The following BRSK2 variants were observed in gnomAD, a reference collection of about 807,000 sequenced individuals.
The protein encoded by BRSK2 is BR serine/threonine kinase 2, also known as serine/threonine-protein kinase BRSK2.
In BRSK2, 19 loss-of-function variants were observed where a neutral mutation model predicts 83.3. The ratio of observed to expected loss-of-function variants is 0.23; its 90% CI spans 0.16 to 0.33. BRSK2 has a LOEUF of 0.33. BRSK2 is among the 10% of genes least tolerant of loss of function. The probability of loss-of-function intolerance (pLI) is 1.00; values close to 1 mark genes in which losing one functional copy is unlikely to be tolerated. For missense variants in BRSK2, 798 were observed against 1,042.3 expected, an observed-to-expected ratio of 0.77 and a Z score of 3.23; for synonymous variants, 519 against 435.4, an observed-to-expected ratio of 1.19 and a Z score of -2.39.
At chr11:1,447,883 G>C in intron 12 of BRSK2, 1 of 1,586,358 alleles carries the variant, frequency 6.3e-7, no homozygotes, top group Non-Finnish European at 8.5e-7. Context: ...CCGACCACCC[G>C]TCCCCGCACC....
intron 12 of BRSK2, among the ~76,000 whole-genome samples, chr11:1,449,206 C>T (rs1845495747): frequency 2.6e-5 from 4 of 152,318 alleles, no homozygotes; most frequent in Non-Finnish European, 5.9e-5. Context: ...CTGAGTAGGG[C>T]AGTGGTGGGA....
At position 1,423,770 on chromosome 11, in the gene BRSK2, CCCG is replaced by C. The variant is rs1848881152; in HGVS notation, c.92-12268_92-12266del. ...GGCGTTCCGGGTGCCCCAGGCCTCC[CCCG>C]CTGGGCGTTCCGGGTGCCCCAGGCC... On this transcript the variant is annotated intron_variant, in intron 1 of 19. Transcript: ENST00000528841. The surrounding 1 kb of genome is among the most constrained non-coding windows in gnomAD (Gnocchi z 6.5). 6.8e-6 allele frequency among the ~76,000 whole-genome samples: 1 copy of C among 147,142 alleles called. No homozygotes were observed. Among genetic ancestry groups the C allele is most frequent in the Non-Finnish European group, 1.5e-5 (1 of 66,074 alleles).
chr11:1,393,971 T>C (rs866555065), intron 1 of BRSK2, among the ~76,000 whole-genome samples: 17 of 38,810 alleles, frequency 4.4e-4, no homozygotes, highest in Admixed American at 7.3e-4. Context: ...TGGAGATGGG[T>C]CCTGGAGATG....
At position 1,461,995 on chromosome 11, in the gene BRSK2, T is replaced by TG. The variant is rs1449529720; in HGVS notation, c.*1274dup. 2.0e-5 allele frequency: 3 copies of TG among 152,078 alleles called. No individual in the cohort carries two copies. Among genetic ancestry groups the TG allele is most frequent in the African/African-American group, 7.2e-5 (3 of 41,394 alleles). 9.4% of individuals were successfully genotyped at this position (152,078 alleles called of 1,614,324 possible). On this transcript the variant is annotated 3_prime_UTR_variant, in exon 20 of 20. Transcript: ENST00000528841. Reference sequence around the variant, plus strand: ...CCCCTCTGTCAGGCTGGGGCAATCTTGGTTTTGTGTCCAAAGGTGAAGGGG... The same window carrying TG: ...CCCCTCTGTCAGGCTGGGGCAATCTTGGGTTTTGTGTCCAAAGGTGAAGGGG...
chr11:1,449,090 G>T (rs1845480449), intron 12 of BRSK2, among the ~76,000 whole-genome samples: 1 of 152,210 alleles, frequency 6.6e-6, no homozygotes, highest in Non-Finnish European at 1.5e-5. Context: ...GTGGTGGAAC[G>T]ACGCACAGCC....
At chr11:1,404,204 C>A (rs1220024010) in intron 1 of BRSK2, among the ~76,000 whole-genome samples, 1 of 152,206 alleles carries the variant, frequency 6.6e-6, no homozygotes, top group Non-Finnish European at 1.5e-5. Context: ...TGATTGCTGC[C>A]TGCCCCAGCT....
Position 1,454,285 on chromosome 11 carries a change from C to T in BRSK2, c.1545-200C>T. 1 of 582,382 alleles carries T rather than the reference C, an allele frequency of 1.7e-6. No individual in the cohort carries two copies. The allele number at this position is 582,382 out of a possible 1,614,324, so 36.1% of individuals were successfully genotyped here. On this transcript the variant is annotated intron_variant, in intron 15 of 19. Transcript: ENST00000528841. The surrounding 1 kb of genome is among the most constrained non-coding windows in gnomAD (Gnocchi z 5.2). ...GTTAGGGTTGGGGTTGGGGTTAGAG[C>T]CACGGTGATGGTCAGGGCATATGGG... is the stretch of plus-strand genomic sequence containing the variant.
chr11:1,416,678 G>C (rs1341188457), intron 1 of BRSK2, among the ~76,000 whole-genome samples: 1 of 152,166 alleles, frequency 6.6e-6, no homozygotes, highest in Non-Finnish European at 1.5e-5. Context: ...TGAGGCCCTG[G>C]GTATGATGTG....
chr11:1,460,319 C>G (rs1404402744), intron 19 of BRSK2, among the ~76,000 whole-genome samples, 181 bp from the exon 20 acceptor site: 1 of 152,078 alleles, frequency 6.6e-6, no homozygotes, highest in Non-Finnish European at 1.5e-5. Flanking sequence ...GCTTGCCGCC[C>G]ACCGGTCCCC....
chr11:1,446,324 T>C (rs1169048481), intron 12 of BRSK2, among the ~76,000 whole-genome samples: 1 of 148,798 alleles, frequency 6.7e-6, no homozygotes, highest in Non-Finnish European at 1.5e-5. Flanking sequence ...TGCACTAGAA[T>C]GGGCTGAGAC....
chr11:1,445,148 G>T (rs899571110), intron 9 of BRSK2, 146 bp downstream of exon 9: 22 of 1,469,114 alleles, frequency 1.5e-5, no homozygotes, highest in Non-Finnish European at 2.1e-5. Flanking sequence ...GGTGCGGGGT[G>T]CGGGCAGGAC....
Position 1,390,252 on chromosome 11 carries a change from G to C in BRSK2, c.-33G>C. ...GCGGCCCCTCCCTGCCCGCGCGCCC[G>C]GGCGCCCCTGGCCGGCGCCGGGCCC... is the stretch of plus-strand genomic sequence containing the variant. On this transcript the variant is annotated 5_prime_UTR_variant, in exon 1 of 20. Coordinates refer to ENST00000528841, the MANE Select transcript of BRSK2 (RefSeq NM_001256627.2). This position sits in a 1 kb window ranked among gnomAD's most constrained non-coding sequence, Gnocchi z 6.8. 1.0e-6 allele frequency: 1 copy of C among 995,832 alleles called. No individual in the cohort carries two copies. Among genetic ancestry groups the C allele is most frequent in the Non-Finnish European group, 1.2e-6 (1 of 831,366 alleles). 61.7% of individuals were successfully genotyped at this position (995,832 alleles called of 1,614,324 possible).
Position 1,450,584 on chromosome 11 carries a change from C to T in BRSK2, c.1288-3C>T. 1.9e-6 allele frequency: 3 copies of T among 1,542,750 alleles called. No individual in the cohort carries two copies. Among genetic ancestry groups the T allele is most frequent in the Non-Finnish European group, 2.6e-6 (3 of 1,135,858 alleles). On this transcript the variant is annotated splice_polypyrimidine_tract_variant and splice_region_variant and intron_variant, in intron 13 of 19. Coordinates refer to ENST00000528841, the MANE Select transcript of BRSK2 (RefSeq NM_001256627.2). Reference sequence around the variant, plus strand: ...AAACACCAAATCTGTCCCCACCATACAGGTGACCCCTCACCCCTCACCAAG... The same window carrying T: ...AAACACCAAATCTGTCCCCACCATATAGGTGACCCCTCACCCCTCACCAAG...
chr11:1,460,791 C>T lies in BRSK2; in HGVS notation c.*68C>T. The T allele has an allele frequency of 6.8e-7, 1 of 1,464,120 alleles. No individual in the cohort carries two copies. The highest frequency in any genetic ancestry group is 9.0e-7 in the Non-Finnish European group (1 of 1,116,670). 90.7% of individuals were successfully genotyped at this position (1,464,120 alleles called of 1,614,324 possible). A position where few individuals can be genotyped will look rare whatever the true frequency, so the allele number is the denominator to read the frequency against. On this transcript the variant is annotated 3_prime_UTR_variant, in exon 20 of 20. Coordinates refer to ENST00000528841, the MANE Select transcript of BRSK2 (RefSeq NM_001256627.2). The stretch of plus-strand genomic sequence containing the variant: ...CCTCGCCGCCCGCCGCCCGCCCTGC[C>T]CCGAGTGGACCCGCGGCCGCGCCGC...
intron 19 of BRSK2, among the ~76,000 whole-genome samples, chr11:1,460,038 G>A (rs1020567927): frequency 6.6e-6 from 1 of 151,162 alleles, no homozygotes; most frequent in Middle Eastern, 3.4e-3. Flanking sequence ...TTGTCTTTAC[G>A]CTGTCATCTC....
rs114249779 is a variant in BRSK2 at position 1,423,325 on chromosome 11, A to G, written c.92-12715A>G. 7.0e-3 allele frequency among the ~76,000 whole-genome samples: 1,066 copies of G among 152,130 alleles called. 10 individuals are homozygous for G. Among genetic ancestry groups the G allele is most frequent in the African/African-American group, 0.024 (1,012 of 41,504 alleles). ...TCTTGAGGCTAGGGGTGAGTTCGAG[A>G]CCTCGTAAATACTTCAGTGCAGAGC... On this transcript the variant is annotated intron_variant, in intron 1 of 19. Coordinates refer to ENST00000528841, the MANE Select transcript of BRSK2 (RefSeq NM_001256627.2). This position sits in a 1 kb window ranked among gnomAD's most constrained non-coding sequence, Gnocchi z 6.5.
chr11:1,462,111 A>ATT lies in BRSK2; in HGVS notation c.*1388_*1389insTT, dbSNP rs1847568434. The ATT allele has an allele frequency of 6.6e-6, 1 of 152,154 alleles. No homozygotes were observed. Among genetic ancestry groups the ATT allele is most frequent in the Non-Finnish European group, 1.5e-5 (1 of 68,036 alleles). The allele number at this position is 152,154 out of a possible 1,614,324, so 9.4% of individuals were successfully genotyped here. A position where few individuals can be genotyped will look rare whatever the true frequency, so the allele number is the denominator to read the frequency against. On this transcript the variant is annotated 3_prime_UTR_variant, in exon 20 of 20. Coordinates refer to ENST00000528841, the MANE Select transcript of BRSK2 (RefSeq NM_001256627.2). ...TTATTAAAATGAAAAAATTGAAAAA[A>ATT]AAGGACAAAGAGTCGGTGGCGCTCC...
intron 1 of BRSK2, among the ~76,000 whole-genome samples, chr11:1,417,998 G>T (rs1410539128): frequency 1.6e-4 from 24 of 146,380 alleles, no homozygotes; most frequent in Non-Finnish European, 2.7e-4. Context: ...TTGAGAGTGG[G>T]TCACCTGTGT....
chr11:1,444,288 ACCT>A (rs1320158274), intron 8 of BRSK2, among the ~76,000 whole-genome samples: 3 of 151,730 alleles, frequency 2.0e-5, no homozygotes, highest in Admixed American at 6.6e-5. Flanking sequence ...GCTGGTCCTG[ACCT>A]CCTCCAGGGC....
Sources: gnomAD v4.1 joint callset for allele counts (sites outside exome capture counted in the v4.1 genomes callset) on GRCh38, gnomAD v4.1.1 for gene constraint, Gnocchi (gnomAD v3.1) non-coding constraint, MANE v1.5 for transcripts, NCBI Gene and HGNC (gene_info 2026-07-23, HGNC 2026-07-21) for gene names.